Variants in SPSB1 observed in about 807,000 individuals in gnomAD.
The protein encoded by SPSB1 is SPRY domain-containing SOCS box protein 1.
Under a neutral mutation model 21.2 loss-of-function variants are expected in SPSB1, and 8 were observed. That is an observed-to-expected ratio of 0.38 (90% CI 0.22 to 0.68). The LOEUF is 0.68. Ranked by LOEUF, SPSB1 falls within the 30% of genes least tolerant of loss-of-function variation. The pLI, the probability that SPSB1 is intolerant of heterozygous loss-of-function variation, is 0.53. For missense variants in SPSB1, 242 were observed against 377.8 expected (o/e 0.64, Z 2.98); for synonymous variants, 169 against 161.7 (o/e 1.05, Z -0.34).
chr1:9,353,217 G>A (rs563191414), intron 1 of SPSB1, among the ~76,000 whole-genome samples: 2 of 151,764 alleles, frequency 1.3e-5, no homozygotes, highest in East Asian at 1.9e-4. Flanking sequence ...GAGCCGCCTC[G>A]GCCCTCCCAG....
intron 1 of SPSB1, among the ~76,000 whole-genome samples, chr1:9,302,563 G>C (rs1182453518): frequency 1.3e-5 from 2 of 152,172 alleles, no homozygotes; most frequent in African/African-American, 4.8e-5. Context: ...CCTGCGCTTG[G>C]ATGTCAGAAC....
intron 1 of SPSB1, among the ~76,000 whole-genome samples, chr1:9,337,565 G>A (rs1372311147): frequency 6.6e-6 from 1 of 152,192 alleles, no homozygotes; most frequent in Admixed American, 6.5e-5. Flanking sequence ...CCAGCCCTCT[G>A]CGGGCTTTTC....
chr1:9,337,517 G>C (rs1640022904), intron 1 of SPSB1, among the ~76,000 whole-genome samples: 1 of 152,076 alleles, frequency 6.6e-6, no homozygotes, highest in East Asian at 1.9e-4. Context: ...ACAGGGTGAG[G>C]CTGGGGGTAG....
At chr1:9,314,417 T>A (rs1294050) in intron 1 of SPSB1, among the ~76,000 whole-genome samples, 2 of 151,666 alleles carry the variant, frequency 1.3e-5, no homozygotes, top group African/African-American at 4.8e-5. Context: ...GATGGGCACC[T>A]GGCTGCCCAC....
intron 1 of SPSB1, among the ~76,000 whole-genome samples, chr1:9,304,510 C>T (rs1639381537): frequency 6.6e-6 from 1 of 152,154 alleles, no homozygotes; most frequent in Non-Finnish European, 1.5e-5. Flanking sequence ...AGGGAGATGG[C>T]GGTTCATATC....
intron 1 of SPSB1, among the ~76,000 whole-genome samples, chr1:9,334,449 G>A (rs1639971980): frequency 6.6e-6 from 1 of 152,112 alleles, no homozygotes; most frequent in Admixed American, 6.6e-5. Context: ...TCGAACTTCT[G>A]GCCTCAAGTG....
intron 1 of SPSB1, among the ~76,000 whole-genome samples, chr1:9,312,256 G>C (rs1569578614): frequency 6.6e-6 from 1 of 151,972 alleles, no homozygotes; most frequent in Non-Finnish European, 1.5e-5. Flanking sequence ...ACCCGTCCTG[G>C]GCTCAAGCAG....
chr1:9,315,998 G>A (rs528603813), intron 1 of SPSB1, among the ~76,000 whole-genome samples: 5 of 152,316 alleles, frequency 3.3e-5, no homozygotes, highest in South Asian at 2.1e-4. Flanking sequence ...CTTGGCAGAC[G>A]GGTTCAGAGG....
intron 1 of SPSB1, among the ~76,000 whole-genome samples, chr1:9,347,943 CTTT>C (rs57731582): frequency 1.4e-4 from 19 of 132,422 alleles, no homozygotes; most frequent in Non-Finnish European, 1.4e-4. Flanking sequence ...TTCCCTGCAA[CTTT>C]TTTTTTTTTT....
chr1:9,348,702 C>T lies in SPSB1; in HGVS notation c.-149-7041C>T, dbSNP rs1640203228. 6.6e-6 allele frequency among the ~76,000 whole-genome samples: 1 copy of T among 152,138 alleles called. No homozygotes were observed. The highest frequency in any genetic ancestry group is 1.5e-5 in the Non-Finnish European group (1 of 68,024). ...CAGCAAATCCAAAGATGGCCTTTTT[C>T]CTGGACCCAGACAACCTTAAATGGC... On this transcript the variant is annotated intron_variant, in intron 1 of 2. Coordinates refer to ENST00000328089, the MANE Select transcript of SPSB1 (RefSeq NM_025106.4). This position sits in a 1 kb window ranked among gnomAD's most constrained non-coding sequence, Gnocchi z 4.8.
intron 1 of SPSB1, among the ~76,000 whole-genome samples, chr1:9,310,915 T>A (rs1639507760): frequency 6.6e-6 from 1 of 152,168 alleles, no homozygotes; most frequent in Non-Finnish European, 1.5e-5. Flanking sequence ...AATTCCGTAA[T>A]ATATAAATTA....
chr1:9,296,292 G>T (rs1016789379), intron 1 of SPSB1, among the ~76,000 whole-genome samples: 1 of 152,140 alleles, frequency 6.6e-6, no homozygotes, highest in East Asian at 1.9e-4. Flanking sequence ...GCTGAGGATT[G>T]CAGGTAACTT....
chr1:9,317,401 A>G lies in SPSB1; in HGVS notation c.-150+24330A>G, dbSNP rs1443814243. Among the ~76,000 whole-genome samples, 1 of 152,208 alleles carries G rather than the reference A, an allele frequency of 6.6e-6. No homozygotes were observed. The highest frequency in any genetic ancestry group is 1.5e-5 in the Non-Finnish European group (1 of 68,038). ...TCATCACCGAAATCAATCTGACTCC[A>G]GGATTTGGTTTAGGTATCTGGGAGA... On this transcript the variant is annotated intron_variant, in intron 1 of 2. Coordinates refer to ENST00000328089, the MANE Select transcript of SPSB1 (RefSeq NM_025106.4). The surrounding 1 kb of genome is among the most constrained non-coding windows in gnomAD (Gnocchi z 4.3).
At chr1:9,327,252 T>C (rs4908842) in intron 1 of SPSB1, among the ~76,000 whole-genome samples, 72,717 of 152,074 alleles carry the variant, frequency 0.48, 18,730 homozygotes, top group Non-Finnish European at 0.6. Flanking sequence ...TCTCATCCAG[T>C]TTCATTTCTA....
intron 1 of SPSB1, among the ~76,000 whole-genome samples, chr1:9,300,528 A>G (rs1005091756): frequency 2.0e-5 from 3 of 152,242 alleles, no homozygotes; most frequent in East Asian, 1.9e-4. Context: ...AGGCCCTGCC[A>G]TCATCCACAA....
chr1:9,293,441 C>G lies in SPSB1; in HGVS notation c.-150+370C>G, dbSNP rs888132635. Among the ~76,000 whole-genome samples, 1 of 151,558 alleles carries G rather than the reference C, an allele frequency of 6.6e-6. No homozygotes were observed. Among genetic ancestry groups the G allele is most frequent in the South Asian group, 2.1e-4 (1 of 4,834 alleles). On this transcript the variant is annotated intron_variant, in intron 1 of 2. Transcript: ENST00000328089. This position sits in a 1 kb window ranked among gnomAD's most constrained non-coding sequence, Gnocchi z 5.1. ...GCTGGGGCGCTCCGGGGCCGCCGAC[C>G]CGTCCCCCCTTTAGCCCGGGGAAAG...
intron 1 of SPSB1, among the ~76,000 whole-genome samples, chr1:9,331,321 GTTTTTTTTTT>G (rs34199175): frequency 3.7e-5 from 2 of 53,704 alleles, no homozygotes; most frequent in African/African-American, 8.0e-5. Context: ...TGGTGCTCTT[GTTTTTTTTTT>G]TTTTTTTTTT....
chr1:9,302,499 G>C (rs549052543), intron 1 of SPSB1, among the ~76,000 whole-genome samples: 2 of 152,342 alleles, frequency 1.3e-5, no homozygotes, highest in East Asian at 1.9e-4. Flanking sequence ...TCAGCCGGGG[G>C]CCTGGAAGAA....
chr1:9,360,561 C>T (rs894029501), intron 2 of SPSB1, among the ~76,000 whole-genome samples: 1 of 152,148 alleles, frequency 6.6e-6, no homozygotes, highest in African/African-American at 2.4e-5. Context: ...TGAGGGGGAG[C>T]CCGCCCCATG....
Sources: allele counts gnomAD v4.1 joint callset (sites outside exome capture counted in the v4.1 genomes callset), GRCh38; gene constraint gnomAD v4.1.1; non-coding constraint Gnocchi (gnomAD v3.1); transcripts MANE v1.5; gene names NCBI Gene and HGNC (gene_info 2026-07-23, HGNC 2026-07-21).